Variants in PIK3C2B observed in about 807,000 individuals in gnomAD.
PIK3C2B encodes phosphatidylinositol-4-phosphate 3-kinase catalytic subunit type 2 beta.
A neutral mutation model predicts 184.3 loss-of-function variants in PIK3C2B; 83 were observed. The observed-to-expected ratio is 0.45, with a 90% confidence interval of 0.38 to 0.54. The LOEUF (loss-of-function observed/expected upper bound fraction) is 0.54. Among genes scored for constraint, PIK3C2B ranks in the 20% least tolerant of loss-of-function variants. The pLI, the probability that PIK3C2B is intolerant of heterozygous loss-of-function variation, is 0.00. For synonymous variants in PIK3C2B, 779 were observed against 837.6 expected (o/e 0.93, Z 1.21); for missense variants, 1,736 against 2,113.5 (o/e 0.82, Z 3.50).
intron 28 of PIK3C2B, 147 bp downstream of exon 28, chr1:204,431,522 A>C (rs3817192): frequency 0.11 from 108,592 of 978,076 alleles, 9,690 homozygotes; most frequent in East Asian, 0.46. Flanking sequence ...AGCACTTGTC[A>C]TCAAACTCCA....
rs1342321085 is a variant in PIK3C2B, at chr1:204,443,489, G to C, written c.2976C>G (p.Arg992=). 6.2e-7 allele frequency: 1 copy of C among 1,614,228 alleles called. No homozygotes were observed. The highest frequency in any genetic ancestry group is 1.7e-5 in the Admixed American group (1 of 60,028). ...CGKGLREEFN[R]QCWLVNALAK... ...CCAGGGCATTGACAAGCCAGCACTGGCGGTTAAACTCTTCTCTCAGCCCCT... is the reference window on the plus strand; with the variant it reads ...CCAGGGCATTGACAAGCCAGCACTGCCGGTTAAACTCTTCTCTCAGCCCCT... Residue 992 remains arginine, a synonymous_variant, in exon 19 of 33, where the codon CGC becomes CGG. Transcript: ENST00000684373.
rs575066961 is a variant in PIK3C2B at position 204,424,786 on chromosome 1, A to T, written c.*66T>A. 8.1e-6 allele frequency: 12 copies of T among 1,482,048 alleles called. No homozygotes were observed. In the East Asian group the frequency reaches 1.8e-4, roughly 22 times the overall value. 91.8% of individuals were successfully genotyped at this position (1,482,048 alleles called of 1,614,324 possible). Reference sequence around the variant, plus strand: ...GGCCCTTCACAAGGAGGAGTCTCACAGGGGAGAGTCCTCTCCCCCAGCTCC... The same window carrying T: ...GGCCCTTCACAAGGAGGAGTCTCACTGGGGAGAGTCCTCTCCCCCAGCTCC... On this transcript the variant is annotated 3_prime_UTR_variant, in exon 33 of 33. Transcript: ENST00000684373.
chr1:204,459,907 T>C lies in PIK3C2B; in HGVS notation c.1537A>G (p.Asn513Asp). 1 of 1,613,868 alleles carries C rather than the reference T, an allele frequency of 6.2e-7. No individual in the cohort carries two copies. Among genetic ancestry groups the C allele is most frequent in the Non-Finnish European group, 8.5e-7 (1 of 1,179,984 alleles). The change falls in exon 8 of 33, where the codon AAT (asparagine) becomes GAT (aspartate). Residue 513 changes from asparagine (N) to aspartate (D), a missense_variant. This residue lies in a region of PIK3C2B where 609 missense variants were observed against 699.2 expected (regional missense o/e 0.87). Coordinates refer to ENST00000684373, the MANE Select transcript of PIK3C2B (RefSeq NM_001377334.1). ...ALSLLFDTYH[N>D]EVDAFLLADG... ...GCCAGCAGGAAGGCATCCACCTCAT[T>C]GTGGTAAGTGTCGAACAGAAGACTC... is the stretch of plus-strand genomic sequence containing the variant.
Position 204,431,699 on chromosome 1 carries a change from C to A in PIK3C2B, c.4250G>T (p.Arg1417Leu), listed in dbSNP as rs1675068731. 3 of 1,614,028 alleles carry A rather than the reference C, an allele frequency of 1.9e-6. No individual in the cohort carries two copies. The highest frequency in any genetic ancestry group is 2.7e-5 in the African/African-American group (2 of 74,920). Residue 1417 changes from arginine (R) to leucine (L), a missense_variant, in exon 28 of 33, where the codon CGG becomes CTG. This residue lies in a region of PIK3C2B where 200 missense variants were observed against 199.1 expected (regional missense o/e 1.00). Coordinates refer to ENST00000684373, the MANE Select transcript of PIK3C2B (RefSeq NM_001377334.1). ...CAAGTGGGAAGAAGGGAAGAGCAGC[C>A]GCAACTTATTGTGTAATTCCTGGAA... ...EEFQELHNKL[R>L]LLFPSSHLPS... is the part of the protein sequence containing the mutation.
intron 10 of PIK3C2B, 164 bp from the exon 11 acceptor site, chr1:204,456,215 A>G: frequency 2.0e-6 from 1 of 507,726 alleles, no homozygotes; most frequent in Non-Finnish European, 3.5e-6. Flanking sequence ...TAAAATGAGA[A>G]AAAAGCAGAA....
Position 204,431,883 on chromosome 1 carries a change from T to C in PIK3C2B, c.4156-90A>G, listed in dbSNP as rs1675082994. ...AAGGTCCGGAAGTGTATGTATGTGC[T>C]GAGGGGAGGGGCACATTCCAGAAGG... On this transcript the variant is annotated intron_variant, in intron 27 of 32. Coordinates refer to ENST00000684373, the MANE Select transcript of PIK3C2B (RefSeq NM_001377334.1). The C allele has an allele frequency of 4.9e-6, 7 of 1,437,102 alleles. No homozygotes were observed. In the East Asian group the frequency reaches 1.4e-4, roughly 28 times the overall value. 89.0% of individuals were successfully genotyped at this position (1,437,102 alleles called of 1,614,324 possible). A position where few individuals can be genotyped will look rare whatever the true frequency, so the allele number is the denominator to read the frequency against.
intron 24 of PIK3C2B, 72 bp from the exon 25 acceptor site, chr1:204,434,021 G>A (rs537854903): frequency 1.6e-5 from 21 of 1,292,736 alleles, no homozygotes; most frequent in Admixed American, 8.7e-5. Context: ...CTGCATCAGG[G>A]GTCAGTTTCC....
At chr1:204,453,207 C>G (rs963208683) in intron 12 of PIK3C2B, among the ~76,000 whole-genome samples, 1 of 152,114 alleles carries the variant, frequency 6.6e-6, no homozygotes, top group South Asian at 2.1e-4. Context: ...GGAAGCAAAG[C>G]CGGGGGCAGC....
At chr1:204,471,982 C>A (rs893168413) in intron 1 of PIK3C2B, among the ~76,000 whole-genome samples, 1 of 151,990 alleles carries the variant, frequency 6.6e-6, no homozygotes, top group Non-Finnish European at 1.5e-5. Context: ...TTTCCCCCAG[C>A]CCTCAGGAAG....
Position 204,432,211 on chromosome 1 carries a change from T to A in PIK3C2B, c.4144A>T (p.Asn1382Tyr). The change falls in exon 27 of 33, where the codon AAC becomes TAC. Residue 1382 changes from asparagine (N) to tyrosine (Y), a missense_variant. Coordinates refer to ENST00000684373, the MANE Select transcript of PIK3C2B (RefSeq NM_001377334.1). Reference sequence around the variant, plus strand: ...GAGAAAACACTTACATAGCCTTTGTTGGGGTGGAAGATCTTCTCATGGCGG... The same window carrying A: ...GAGAAAACACTTACATAGCCTTTGTAGGGGTGGAAGATCTTCTCATGGCGG... The part of the protein sequence containing the change: ...LCRHEKIFHP[N>Y]KGYIYVVKVM... 1 of 1,613,676 alleles carries A rather than the reference T, an allele frequency of 6.2e-7. No homozygotes were observed. The highest frequency in any genetic ancestry group is 8.5e-7 in the Non-Finnish European group (1 of 1,179,770).
In PIK3C2B at chr1:204,424,953, C is replaced by T. The variant is rs115140808; in HGVS notation, c.4804G>A (p.Val1602Ile). 6.9e-4 allele frequency: 1,108 copies of T among 1,614,194 alleles called. 8 individuals are homozygous for T. In the African/African-American group the frequency reaches 0.013, roughly 19 times the overall value. ...VLSEQGFWEN[V>I]LLGEVNIRLR... ...CGGATGTTCACCTCACCGAGGAGGA[C>T]GTTCTCCCAGAATCCCTGCTCACTC... The change falls in exon 33 of 33, where the codon GTC becomes ATC. Residue 1602 changes from valine (V) to isoleucine (I), a missense_variant. Physicochemically the swap from Val to Ile is conservative, Grantham distance 29. Around this residue, in one of 8 missense-constraint regions of PIK3C2B, gnomAD observed 95 missense variants for 164.2 expected, o/e 0.58. Transcript: ENST00000684373.
chr1:204,459,697 G>A (rs372368248), intron 8 of PIK3C2B, among the ~76,000 whole-genome samples, 181 bp downstream of exon 8: 51 of 152,270 alleles, frequency 3.3e-4, no homozygotes, highest in Non-Finnish European at 6.5e-4. Flanking sequence ...CGCACTTGCC[G>A]TTGCCCAACA....
chr1:204,469,319 G>A lies in PIK3C2B; in HGVS notation c.484C>T (p.Arg162Ter), dbSNP rs777994896. ...KKLSPPPLPP[R>*]ASIWDTPPLP... ...GGAGGGGTATCCCAGATAGAAGCTC[G>A]GGGAGGCAGAGGAGGTGGGGATAGT... Residue 162 changes from arginine to a stop codon, truncating the protein, a stop_gained, in exon 2 of 33, where the codon CGA becomes TGA. Transcript: ENST00000684373. LOFTEE classifies it high-confidence loss of function. The A allele has an allele frequency of 3.9e-6, 6 of 1,532,260 alleles. No homozygotes were observed. Among genetic ancestry groups the A allele is most frequent in the Non-Finnish European group, 4.4e-6 (5 of 1,141,708 alleles). 94.9% of individuals were successfully genotyped at this position (1,532,260 alleles called of 1,614,324 possible). A position where few individuals can be genotyped will look rare whatever the true frequency, so the allele number is the denominator to read the frequency against.
chr1:204,441,680 C>A, intron 20 of PIK3C2B, 117 bp from the exon 21 acceptor site: 3 of 602,334 alleles, frequency 5.0e-6, no homozygotes, highest in South Asian at 2.3e-5. Flanking sequence ...CCACCCAAGA[C>A]CTGCTCATTG....
At chr1:204,491,353 C>CCTG (rs1657989355) in intron 1 of PIK3C2B, among the ~76,000 whole-genome samples, 1 of 150,814 alleles carries the variant, frequency 6.6e-6, no homozygotes, top group Admixed American at 6.6e-5. Flanking sequence ...GACACCACTG[C>CCTG]ACTCCAGTCT....
At chr1:204,461,682 T>G (rs1655348314) in intron 5 of PIK3C2B, among the ~76,000 whole-genome samples, 1 of 152,014 alleles carries the variant, frequency 6.6e-6, no homozygotes, top group Non-Finnish European at 1.5e-5. Flanking sequence ...CTAGACCCTC[T>G]CAGATCTAAG....
Position 204,446,062 on chromosome 1 carries a change from C to T in PIK3C2B, c.2572G>A (p.Ala858Thr), listed in dbSNP as rs1462354885. Residue 858 changes from alanine (A) to threonine (T), a missense_variant, in exon 16 of 33, where the codon GCC becomes ACC. Ala to Thr is a moderately conservative substitution (Grantham distance 58, BLOSUM62 0). Coordinates refer to ENST00000684373, the MANE Select transcript of PIK3C2B (RefSeq NM_001377334.1). ...GCCCACTCCCAGCTGGGGGCGCTGG[C>T]GAGCACCAGGGGGAGCGAGCTCACC... ...SEVSSLPLVL[A>T]SAPSWEWACL... The T allele has an allele frequency of 4.4e-6, 7 of 1,600,718 alleles. No homozygotes were observed. The highest frequency in any genetic ancestry group is 2.3e-5 in the East Asian group (1 of 44,388).
At chr1:204,489,023 C>T (rs560433541) in intron 1 of PIK3C2B, among the ~76,000 whole-genome samples, 3 of 152,242 alleles carry the variant, frequency 2.0e-5, no homozygotes, top group Admixed American at 1.3e-4. Flanking sequence ...ATTCAGGACT[C>T]GAGCCTCATG....
At chr1:204,430,720 G>A (rs1675007383) in intron 28 of PIK3C2B, among the ~76,000 whole-genome samples, 3 of 151,134 alleles carry the variant, frequency 2.0e-5, no homozygotes, top group South Asian at 2.1e-4. Flanking sequence ...GCGCAGTCAC[G>A]TGATCTCAGC....
Sources: allele counts gnomAD v4.1 joint callset (sites outside exome capture counted in the v4.1 genomes callset), GRCh38; gene constraint gnomAD v4.1.1; regional missense constraint gnomAD v4.1.1; transcripts MANE v1.5; gene names NCBI Gene and HGNC (gene_info 2026-07-23, HGNC 2026-07-21).